The following PHEX variants were observed in gnomAD, a reference collection of about 807,000 sequenced individuals.
PHEX encodes phosphate-regulating neutral endopeptidase PHEX.
PHEX carries 16 observed loss-of-function variants against 68.0 expected under a neutral mutation model. That is an observed-to-expected ratio of 0.24 (90% CI 0.16 to 0.36). The LOEUF (loss-of-function observed/expected upper bound fraction) is 0.36, where lower values mean the gene tolerates loss of function less well. Ranked by LOEUF, PHEX falls within the 10% of genes least tolerant of loss-of-function variation. The probability of loss-of-function intolerance (pLI) is 1.00; values close to 1 mark genes in which losing one functional copy is unlikely to be tolerated. For missense variants in PHEX, 480 were observed against 575.5 expected (o/e 0.83, Z 1.70); for synonymous variants, 208 against 205.1 (o/e 1.01, Z -0.12).
chrX:22,118,699 A>G (rs1931352374), intron 11 of PHEX, among the ~76,000 whole-genome samples: 1 of 111,144 alleles, frequency 9.0e-6, no homozygotes, highest in South Asian at 3.8e-4. Flanking sequence ...AGCAGTTCAC[A>G]TTGAGGTTTC....
At chrX:22,211,094 T>TATC (rs1429280566) in intron 15 of PHEX, among the ~76,000 whole-genome samples, 1 of 112,084 alleles carries the variant, frequency 8.9e-6, no homozygotes, top group Non-Finnish European at 1.9e-5. Context: ...TTCTTTGCTC[T>TATC]ATCAGCTGTG....
rs183047642 is a variant in PHEX, at chrX:22,161,128, T to G, written c.1405-7184T>G. ...TCCAACCTGGTTGACAGAGCGAGGC[T>G]CCACCTCAAAAAAAAAAATTAATTG... On this transcript the variant is annotated intron_variant, in intron 12 of 21. Transcript: ENST00000379374. 3.9e-3 allele frequency among the ~76,000 whole-genome samples: 416 copies of G among 105,724 alleles called. 4 individuals are homozygous for G. Among genetic ancestry groups the G allele is most frequent in the African/African-American group, 0.014 (394 of 27,643 alleles). The allele number at this position is 105,724 out of a possible 115,157, so 91.8% of individuals were successfully genotyped here. A position where few individuals can be genotyped will look rare whatever the true frequency, so the allele number is the denominator to read the frequency against.
chrX:22,033,501 A>G (rs894774286), intron 1 of PHEX, among the ~76,000 whole-genome samples: 2 of 112,060 alleles, frequency 1.8e-5, no homozygotes, highest in Non-Finnish European at 3.8e-5. Flanking sequence ...TGTGATGAAA[A>G]CCATGCTGGA....
At chrX:22,246,781 AT>A (rs1216368831) in intron 21 of PHEX, among the ~76,000 whole-genome samples, 1 of 112,068 alleles carries the variant, frequency 8.9e-6, no homozygotes, top group Admixed American at 9.5e-5. Context: ...GGTTATGAGG[AT>A]TTTTTGGATA....
intron 11 of PHEX, among the ~76,000 whole-genome samples, chrX:22,114,978 AT>A (rs913701160): frequency 1.8e-5 from 2 of 110,142 alleles, no homozygotes; most frequent in East Asian, 2.8e-4. Flanking sequence ...AAAAGGGTGT[AT>A]TTTTTTTTCT....
At position 22,249,455 on chromosome X, in the gene PHEX, A is replaced by AAAAAATATATATATATATATATATATAT; in HGVS notation, c.*1503_*1504insAAAATATATATATATATATATATATATA. The stretch of plus-strand genomic sequence containing the variant: ...TTGTGATTCTTTTAAAAAAAAAAAA[A>AAAAAATATATATATATATATATATATAT]ATATATATATATATATATATATATA... On this transcript the variant is annotated 3_prime_UTR_variant, in exon 22 of 22. Coordinates refer to ENST00000379374, the MANE Select transcript of PHEX (RefSeq NM_000444.6). The AAAAAATATATATATATATATATATATAT allele has an allele frequency of 2.5e-5, 1 of 39,764 alleles. No individual in the cohort carries two copies. The highest frequency in any genetic ancestry group is 1.7e-4 in the African/African-American group (1 of 6,007). 3.3% of individuals were successfully genotyped at this position (39,764 alleles called of 1,213,427 possible).
chrX:22,090,535 G>T (rs1452891138), intron 6 of PHEX, 38 bp downstream of exon 6: 4 of 987,282 alleles, frequency 4.1e-6, no homozygotes, highest in Non-Finnish European at 4.3e-6. Context: ...GCCTTACCAG[G>T]CTGCTGTCAG....
Position 22,076,516 on chromosome X carries a change from A to G in PHEX, c.436+42A>G, listed in dbSNP as rs373119857. ...ACTAAATAAAATATTTACCATCCCT[A>G]TCCTTTAGAGTTCTATTAATGTTTT... is the stretch of plus-strand genomic sequence containing the variant. On this transcript the variant is annotated intron_variant, in intron 4 of 21. Transcript: ENST00000379374. 5.9e-6 allele frequency: 5 copies of G among 844,364 alleles called. No homozygotes were observed. In the African/African-American group the frequency reaches 6.0e-5, roughly 10 times the overall value. The allele number at this position is 844,364 out of a possible 1,213,427, so 69.6% of individuals were successfully genotyped here. A position where few individuals can be genotyped will look rare whatever the true frequency, so the allele number is the denominator to read the frequency against.
Position 22,249,454 on chromosome X carries a change from AAATAT to A in PHEX, c.*1503_*1507del, listed in dbSNP as rs1283683152. On this transcript the variant is annotated 3_prime_UTR_variant, in exon 22 of 22. Transcript: ENST00000379374. ...TTTGTGATTCTTTTAAAAAAAAAAA[AAATAT>A]ATATATATATATATATATATATATA... The A allele has an allele frequency of 1.5e-3, 65 of 43,060 alleles. No individual in the cohort carries two copies. Among genetic ancestry groups the A allele is most frequent in the African/African-American group, 4.6e-3 (41 of 8,855 alleles). 3.5% of individuals were successfully genotyped at this position (43,060 alleles called of 1,213,427 possible).
At chrX:22,053,556 A>G (rs762965936) in intron 3 of PHEX, among the ~76,000 whole-genome samples, 24 of 112,241 alleles carry the variant, frequency 2.1e-4, no homozygotes, top group African/African-American at 5.8e-4. Context: ...TCCACATTCT[A>G]TAAACCCCCC....
At chrX:22,134,247 G>A (rs773503571) in intron 12 of PHEX, among the ~76,000 whole-genome samples, 301 of 112,107 alleles carry the variant, frequency 2.7e-3, no homozygotes, top group African/African-American at 9.4e-3. Context: ...GATACTATGC[G>A]ACACGATAAG....
chrX:22,241,479 G>A (rs1264473890), intron 20 of PHEX, among the ~76,000 whole-genome samples: 2 of 111,123 alleles, frequency 1.8e-5, no homozygotes, highest in Admixed American at 9.6e-5. Context: ...AACATCAATG[G>A]ATCCAGGAGC....
At chrX:22,113,046 TGTG>T (rs1931060460) in intron 10 of PHEX, among the ~76,000 whole-genome samples, 1 of 105,828 alleles carries the variant, frequency 9.4e-6, no homozygotes, top group Non-Finnish European at 1.9e-5. Context: ...TGTGTGTGTG[TGTG>T]TGTGTTTGTG....
intron 15 of PHEX, among the ~76,000 whole-genome samples, chrX:22,201,715 G>A (rs6654106): frequency 0.12 from 13,605 of 111,257 alleles, 1,002 homozygotes; most frequent in African/African-American, 0.27. Context: ...GCAATTTGCC[G>A]CTTGCAGGGT....
At chrX:22,061,891 G>C (rs1928381988) in intron 3 of PHEX, among the ~76,000 whole-genome samples, 1 of 111,810 alleles carries the variant, frequency 8.9e-6, no homozygotes, top group Non-Finnish European at 1.9e-5. Context: ...AACTTGTAAA[G>C]GAAAGAGGTT....
At chrX:22,048,970 A>C (rs902936207) in intron 3 of PHEX, among the ~76,000 whole-genome samples, 1 of 112,141 alleles carries the variant, frequency 8.9e-6, no homozygotes, top group African/African-American at 3.2e-5. Flanking sequence ...ATGCACACCT[A>C]TATATTGTAA....
At position 22,226,460 on chromosome X, in the gene PHEX, C is replaced by A. The variant is rs201343697; in HGVS notation, c.1917C>A (p.Thr639=). The A allele has an allele frequency of 2.2e-4, 263 of 1,201,626 alleles. 1 individual carries two copies. Among genetic ancestry groups the A allele is most frequent in the Non-Finnish European group, 2.9e-4 (256 of 889,873 alleles). ...TCTGTTAGGTCAAGGGGAAGAGGAC[C>A]CTGGGAGAAAATATTGCTGATAATG... ...KAGLNVKGKR[T]LGENIADNGG... is the part of the protein sequence containing the mutation. The change falls in exon 19 of 22, where the codon ACC becomes ACA. Residue 639 remains threonine (T), a synonymous_variant. Transcript: ENST00000379374.
intron 2 of PHEX, among the ~76,000 whole-genome samples, chrX:22,041,128 T>C (rs1490997242): frequency 9.2e-6 from 1 of 108,782 alleles, no homozygotes; most frequent in Non-Finnish European, 1.9e-5. Flanking sequence ...GTGGTGTTTA[T>C]TGAGATGGGA....
rs189324863 is a variant in PHEX at position 22,163,695 on chromosome X, A to T, written c.1405-4617A>T. ...ATATCACTGCTCTCTCAGCATTTAC[A>T]GTGGGACTTGCCTTTCCTTTTTGTC... is the stretch of plus-strand genomic sequence containing the variant. On this transcript the variant is annotated intron_variant, in intron 12 of 21. Transcript: ENST00000379374. 2.7e-5 allele frequency among the ~76,000 whole-genome samples: 3 copies of T among 112,232 alleles called. No homozygotes were observed. The East Asian group carries it at 8.4e-4, about 32-fold the overall frequency.
Sources: gnomAD v4.1 joint callset for allele counts (sites outside exome capture counted in the v4.1 genomes callset) on GRCh38, gnomAD v4.1.1 for gene constraint, MANE v1.5 for transcripts, NCBI Gene and HGNC (gene_info 2026-07-23, HGNC 2026-07-21) for gene names.